Variants in AXDND1 observed in about 807,000 individuals in gnomAD.
AXDND1 encodes axonemal dynein light chain domain containing 1.
A neutral mutation model predicts 137.5 loss-of-function variants in AXDND1; 110 were observed. That is an observed-to-expected ratio of 0.80 (90% CI 0.69 to 0.94). The LOEUF (loss-of-function observed/expected upper bound fraction) is 0.94, where lower values mean the gene tolerates loss of function less well. AXDND1 is among the 40% of genes least tolerant of loss of function. The pLI is 0.00. For synonymous variants in AXDND1, 414 were observed against 399.7 expected (o/e 1.04, Z -0.43); for missense variants, 1,191 against 1,169.8 (o/e 1.02, Z -0.26).
At chr1:179,446,869 T>C (rs1392831275) in intron 16 of AXDND1, among the ~76,000 whole-genome samples, 1 of 151,566 alleles carries the variant, frequency 6.6e-6, no homozygotes, top group Admixed American at 6.6e-5. Flanking sequence ...TTAATGCTTC[T>C]AGCCTGGTAA....
intron 12 of AXDND1, among the ~76,000 whole-genome samples, chr1:179,428,433 CATGT>C (rs913148972): frequency 1.3e-5 from 2 of 152,174 alleles, no homozygotes; most frequent in African/African-American, 4.8e-5. Flanking sequence ...CTCTTTTGTC[CATGT>C]CTATGTCCAC....
intron 12 of AXDND1, among the ~76,000 whole-genome samples, chr1:179,429,295 G>T (rs577807430): frequency 2.6e-5 from 4 of 152,140 alleles, no homozygotes; most frequent in African/African-American, 9.6e-5. Context: ...TGTATAAAGG[G>T]GTCTTTAGAT....
At chr1:179,389,212 G>T (rs1649735613) in intron 9 of AXDND1, among the ~76,000 whole-genome samples, 1 of 151,512 alleles carries the variant, frequency 6.6e-6, no homozygotes, top group African/African-American at 2.4e-5. Flanking sequence ...ATTTCAGGTG[G>T]TCTGCCCACT....
intron 12 of AXDND1, among the ~76,000 whole-genome samples, chr1:179,424,055 C>T (rs188089180): frequency 6.6e-6 from 1 of 152,206 alleles, no homozygotes; most frequent in Admixed American, 6.5e-5. Context: ...ATTCTCTCAG[C>T]TTGTGTTTGG....
At chr1:179,468,080 T>C (rs760103931) in intron 16 of AXDND1, among the ~76,000 whole-genome samples, 10 of 152,334 alleles carry the variant, frequency 6.6e-5, no homozygotes, top group East Asian at 1.9e-4. Flanking sequence ...ATGAAGAAGC[T>C]GATTATTATC....
chr1:179,418,997 G>A (rs1197133972), intron 12 of AXDND1, among the ~76,000 whole-genome samples: 2 of 151,080 alleles, frequency 1.3e-5, no homozygotes, highest in Non-Finnish European at 2.9e-5. Flanking sequence ...GGGCAGAGGC[G>A]CTCCCCACAT....
intron 17 of AXDND1, among the ~76,000 whole-genome samples, chr1:179,474,742 C>T (rs559169907): frequency 4.6e-5 from 7 of 152,250 alleles, no homozygotes; most frequent in East Asian, 1.9e-4. Flanking sequence ...AAGAAAAACC[C>T]GTTTTCTGGG....
At chr1:179,377,517 T>G (rs1647472974) in intron 4 of AXDND1, among the ~76,000 whole-genome samples, 1 of 152,218 alleles carries the variant, frequency 6.6e-6, no homozygotes, top group Non-Finnish European at 1.5e-5. Context: ...AGATTCCGTC[T>G]CCTGGAAGAG....
rs762523991 is a variant in AXDND1 at position 179,369,955 on chromosome 1, G to A, written c.271-20G>A. On this transcript the variant is annotated intron_variant, in intron 3 of 25. Transcript: ENST00000367618. ...AGATCGCCCTCTGCTGGATATTCAT[G>A]TGTATTTGCTTTTTCCCAGGGCACT... 1.2e-5 allele frequency: 18 copies of A among 1,559,944 alleles called. No individual in the cohort carries two copies. The East Asian group carries it at 4.0e-4, about 35-fold the overall frequency.
At position 179,509,380 on chromosome 1, in the gene AXDND1, G is replaced by C; in HGVS notation, c.2473G>C (p.Glu825Gln). ...AAAAATTACATTATTGACATATGAA[G>C]AAATAGAGCGGCTACTTGAAGAGGT... Reference protein sequence around the residue: ...GRKITLLTYEEIERLLEEEAV... With the variant: ...GRKITLLTYEQIERLLEEEAV... The change falls in exon 21 of 26, where the codon GAA becomes CAA. Residue 825 changes from glutamate to glutamine, a missense_variant. Coordinates refer to ENST00000367618, the MANE Select transcript of AXDND1 (RefSeq NM_144696.6). 1 of 1,608,980 alleles carries C rather than the reference G, an allele frequency of 6.2e-7. No individual in the cohort carries two copies. The highest frequency in any genetic ancestry group is 8.5e-7 in the Non-Finnish European group (1 of 1,175,764).
rs1487097381 is a variant in AXDND1 at position 179,491,737 on chromosome 1, G to C, written c.2291G>C (p.Ser764Thr). Residue 764 changes from serine (S) to threonine (T), a missense_variant and splice_region_variant, in exon 19 of 26, where the codon AGT becomes ACT. Ser to Thr is a moderately conservative substitution (Grantham distance 58, BLOSUM62 1). Coordinates refer to ENST00000367618, the MANE Select transcript of AXDND1 (RefSeq NM_144696.6). ...TACCAATACTCCAGCTATTTGAGCA[G>C]GTGAAGCGGTTATTTTATTGTTGCC... ...KLYQYSSYLS[S>T]CCKGMVTAMA... 6.5e-7 allele frequency: 1 copy of C among 1,537,696 alleles called. No homozygotes were observed. Among genetic ancestry groups the C allele is most frequent in the South Asian group, 1.3e-5 (1 of 77,586 alleles).
chr1:179,458,608 T>C (rs925657842), intron 16 of AXDND1, among the ~76,000 whole-genome samples: 12 of 151,982 alleles, frequency 7.9e-5, no homozygotes, highest in African/African-American at 2.7e-4. Flanking sequence ...CATTAGGAAA[T>C]TGATCAGCAT....
intron 6 of AXDND1, among the ~76,000 whole-genome samples, chr1:179,382,079 ATTTTTAT>A (rs999952387): frequency 2.8e-5 from 4 of 140,364 alleles, no homozygotes; most frequent in African/African-American, 8.1e-5. Context: ...CCAGCCCTTT[ATTTTTAT>A]TTTTTATTTT....
In AXDND1 at chr1:179,370,664, C is replaced by A. The variant is rs537378808; in HGVS notation, c.374+586C>A. ...AACATTTTCCCTGTGAAGATTGAGA[C>A]CTGCTAGTTTTCTATGTATTGTCCA... On this transcript the variant is annotated intron_variant, in intron 4 of 25. Transcript: ENST00000367618. 1.3e-4 allele frequency among the ~76,000 whole-genome samples: 20 copies of A among 152,286 alleles called. No homozygotes were observed. The South Asian group carries it at 3.1e-3, about 24-fold the overall frequency.
intron 16 of AXDND1, chr1:179,450,952 A>G (rs1209938893): frequency 6.6e-6 from 1 of 152,248 alleles, no homozygotes; most frequent in Non-Finnish European, 1.5e-5. Context: ...TGATCATGGT[A>G]TATAATTCTT....
chr1:179,439,884 C>T (rs1409706253), intron 15 of AXDND1, among the ~76,000 whole-genome samples: 2 of 152,208 alleles, frequency 1.3e-5, no homozygotes, highest in Non-Finnish European at 1.5e-5. Context: ...CACATGGTTT[C>T]TCCATCTCCT....
intron 25 of AXDND1, among the ~76,000 whole-genome samples, chr1:179,539,581 C>G (rs1671912759): frequency 6.6e-6 from 1 of 152,176 alleles, no homozygotes; most frequent in Non-Finnish European, 1.5e-5. Context: ...ATGTGCTTCC[C>G]TTTGTGGGTA....
At chr1:179,486,132 A>AG (rs1461189515) in intron 18 of AXDND1, among the ~76,000 whole-genome samples, 1 of 115,302 alleles carries the variant, frequency 8.7e-6, no homozygotes, top group Admixed American at 9.8e-5. Flanking sequence ...AAAAAAAAAA[A>AG]AAAAAAAAAC....
intron 9 of AXDND1, among the ~76,000 whole-genome samples, chr1:179,387,941 A>C (rs574983234): frequency 6.6e-6 from 1 of 152,120 alleles, no homozygotes; most frequent in African/African-American, 2.4e-5. Context: ...GATCTTCTGC[A>C]TATCTTGTAT....
Sources: gnomAD v4.1 joint callset for allele counts (sites outside exome capture counted in the v4.1 genomes callset) on GRCh38, gnomAD v4.1.1 for gene constraint, MANE v1.5 for transcripts, NCBI Gene and HGNC (gene_info 2026-07-23, HGNC 2026-07-21) for gene names.